Variants in ATF7IP2 observed in about 807,000 individuals in gnomAD.
The protein encoded by ATF7IP2 is activating transcription factor 7 interacting protein 2, also known as activating transcription factor 7-interacting protein 2.
Under a neutral mutation model 64.2 loss-of-function variants are expected in ATF7IP2, and 42 were observed. The observed-to-expected ratio is 0.65, with a 90% confidence interval of 0.51 to 0.85. The LOEUF (loss-of-function observed/expected upper bound fraction) is 0.85. Among genes scored for constraint, ATF7IP2 ranks in the 40% least tolerant of loss-of-function variants. The pLI, the probability that ATF7IP2 is intolerant of heterozygous loss-of-function variation, is 0.00. For synonymous variants in ATF7IP2, 308 were observed against 272.8 expected (o/e 1.13, Z -1.27); for missense variants, 933 against 784.2 (o/e 1.19, Z -2.27).
intron 1 of ATF7IP2, among the ~76,000 whole-genome samples, chr16:10,413,006 C>T (rs1344374212): frequency 2.0e-5 from 3 of 152,120 alleles, no homozygotes; most frequent in Non-Finnish European, 2.9e-5. Flanking sequence ...TATTCATTTG[C>T]ATAGAATGTC....
intron 1 of ATF7IP2, among the ~76,000 whole-genome samples, chr16:10,408,433 T>C (rs988702961): frequency 6.6e-6 from 1 of 152,210 alleles, no homozygotes; most frequent in African/African-American, 2.4e-5. Flanking sequence ...TCCATGATGG[T>C]TGTGCTAGTT....
intron 8 of ATF7IP2, among the ~76,000 whole-genome samples, chr16:10,441,201 C>A (rs775592714): frequency 2.0e-5 from 3 of 152,086 alleles, no homozygotes; most frequent in East Asian, 1.9e-4. Context: ...AATAGTGCTG[C>A]AATAAACGTA....
intron 1 of ATF7IP2, among the ~76,000 whole-genome samples, chr16:10,392,056 C>CTT (rs369793123): frequency 0.2 from 24,779 of 125,994 alleles, 2,809 homozygotes; most frequent in African/African-American, 0.27. Flanking sequence ...GTTGTATTAT[C>CTT]TTTTTTTTTT....
intron 2 of ATF7IP2, among the ~76,000 whole-genome samples, chr16:10,416,999 A>G (rs907252156): frequency 1.3e-5 from 2 of 152,236 alleles, no homozygotes; most frequent in Non-Finnish European, 2.9e-5. Flanking sequence ...GCATTTCTGT[A>G]TCAAATTATC....
intron 8 of ATF7IP2, chr16:10,449,649 A>G (rs926730757): frequency 1.3e-5 from 2 of 152,032 alleles, no homozygotes; most frequent in Non-Finnish European, 2.9e-5. Flanking sequence ...ATCAGTGGTG[A>G]TATCCCCTTT....
At chr16:10,410,791 CT>C (rs556127637) in intron 1 of ATF7IP2, among the ~76,000 whole-genome samples, 16 of 152,134 alleles carry the variant, frequency 1.1e-4, no homozygotes, top group Admixed American at 2.6e-4. Flanking sequence ...ATATCTGCTT[CT>C]TCCTGATTTA....
intron 1 of ATF7IP2, among the ~76,000 whole-genome samples, chr16:10,388,695 A>T (rs1195842290): frequency 6.6e-6 from 1 of 152,306 alleles, no homozygotes; most frequent in East Asian, 1.9e-4. Flanking sequence ...ACTGTAAGAA[A>T]GGCATGTCAC....
Position 10,470,554 on chromosome 16 carries a change from C to G in ATF7IP2, c.1353-1556C>G, listed in dbSNP as rs1229482102. ...ATCCCAGCATCTTGGGAGGCCAGGG[C>G]AGGAGGATCACTTGAGGTCAGGAGT... On this transcript the variant is annotated intron_variant, in intron 9 of 13. Coordinates refer to ENST00000562102, the MANE Select transcript of ATF7IP2 (RefSeq NM_001393719.1). Among the ~76,000 whole-genome samples, 6 of 151,978 alleles carry G rather than the reference C, an allele frequency of 3.9e-5. No individual in the cohort carries two copies. The East Asian group carries it at 1.2e-3, about 29-fold the overall frequency.
At chr16:10,424,566 C>T (rs1046650074) in intron 3 of ATF7IP2, among the ~76,000 whole-genome samples, 4 of 151,930 alleles carry the variant, frequency 2.6e-5, no homozygotes, top group East Asian at 1.9e-4. Flanking sequence ...CCATATAATG[C>T]GAGGGAAAGT....
Position 10,440,314 on chromosome 16 carries a change from G to C in ATF7IP2, c.1096-50G>C. On this transcript the variant is annotated intron_variant, in intron 7 of 13. Coordinates refer to ENST00000562102, the MANE Select transcript of ATF7IP2 (RefSeq NM_001393719.1). ...AATAATTTACCCTCTATCTCTATGT[G>C]ATATATAGTACTCTGGCTTAGTATT... The C allele has an allele frequency of 3.4e-6, 3 of 892,388 alleles. No individual in the cohort carries two copies. In the East Asian group the frequency reaches 7.9e-5, roughly 24 times the overall value. The allele number at this position is 892,388 out of a possible 1,614,324, so 55.3% of individuals were successfully genotyped here. A position where few individuals can be genotyped will look rare whatever the true frequency, so the allele number is the denominator to read the frequency against.
chr16:10,447,154 A>G (rs1157097940), intron 8 of ATF7IP2: 2 of 152,292 alleles, frequency 1.3e-5, no homozygotes, highest in South Asian at 2.1e-4. Context: ...GTTACCATTC[A>G]CGCACTTTCA....
At chr16:10,453,643 G>T (rs952659830) in intron 8 of ATF7IP2, among the ~76,000 whole-genome samples, 23 of 152,202 alleles carry the variant, frequency 1.5e-4, no homozygotes, top group African/African-American at 5.5e-4. Flanking sequence ...TTGAGATGGA[G>T]TTTCAGTCTT....
chr16:10,431,686 A>G (rs1215152748), intron 5 of ATF7IP2, among the ~76,000 whole-genome samples: 1 of 152,240 alleles, frequency 6.6e-6, no homozygotes, highest in Non-Finnish European at 1.5e-5. Context: ...CCTTAAGTAC[A>G]AAATATCAAA....
At chr16:10,416,599 C>G (rs2047884366) in intron 2 of ATF7IP2, among the ~76,000 whole-genome samples, 1 of 152,126 alleles carries the variant, frequency 6.6e-6, no homozygotes, top group Non-Finnish European at 1.5e-5. Context: ...TCAAGACCAG[C>G]CTGGCCAACA....
intron 12 of ATF7IP2, among the ~76,000 whole-genome samples, chr16:10,479,422 A>G (rs540839774): frequency 7.5e-4 from 114 of 152,126 alleles, no homozygotes; most frequent in African/African-American, 2.6e-3. Context: ...AACACCACAT[A>G]TTCTCACTCA....
chr16:10,413,221 C>G (rs1303243216), intron 1 of ATF7IP2, among the ~76,000 whole-genome samples: 1 of 152,112 alleles, frequency 6.6e-6, no homozygotes, highest in African/African-American at 2.4e-5. Context: ...TTGTATCTCC[C>G]AGAATTTCTA....
intron 6 of ATF7IP2, among the ~76,000 whole-genome samples, chr16:10,436,082 C>T (rs182505356): frequency 1.3e-3 from 195 of 152,238 alleles, no homozygotes; most frequent in African/African-American, 4.3e-3. Flanking sequence ...TAGTATTGGC[C>T]GGGCGTGGTG....
chr16:10,406,499 A>T (rs1214987634), intron 1 of ATF7IP2, among the ~76,000 whole-genome samples: 1 of 152,212 alleles, frequency 6.6e-6, no homozygotes, highest in Non-Finnish European at 1.5e-5. Context: ...GAAGTAATAA[A>T]GATCATTGCA....
At chr16:10,408,497 C>T (rs763733250) in intron 1 of ATF7IP2, among the ~76,000 whole-genome samples, 1 of 152,288 alleles carries the variant, frequency 6.6e-6, no homozygotes, top group South Asian at 2.1e-4. Context: ...TCCACACCAA[C>T]ATCTATTATT....
Sources: gnomAD v4.1 joint callset for allele counts (sites outside exome capture counted in the v4.1 genomes callset) on GRCh38, gnomAD v4.1.1 for gene constraint, MANE v1.5 for transcripts, NCBI Gene and HGNC (gene_info 2026-07-23, HGNC 2026-07-21) for gene names.